Variants in IARS2 observed in about 807,000 individuals in gnomAD.
IARS2 encodes the protein isoleucine--tRNA ligase, mitochondrial.
A neutral mutation model predicts 126.3 loss-of-function variants in IARS2; 56 were observed. The ratio of observed to expected loss-of-function variants is 0.44; its 90% confidence interval spans 0.36 to 0.55. The LOEUF is 0.55. Ranked by LOEUF, IARS2 falls within the 20% of genes least tolerant of loss-of-function variation. The pLI is 0.00. For missense variants in IARS2, 1,127 were observed against 1,245.9 expected, an observed-to-expected ratio of 0.90 and a Z score of 1.44; for synonymous variants, 407 against 441.1, an observed-to-expected ratio of 0.92 and a Z score of 0.97.
intron 22 of IARS2, among the ~76,000 whole-genome samples, chr1:220,146,466 TGAG>T (rs965716281): frequency 1.5e-4 from 19 of 129,496 alleles, no homozygotes; most frequent in African/African-American, 5.7e-4. Flanking sequence ...TGCAGTGAGC[TGAG>T]ATCACACCAC....
intron 2 of IARS2, among the ~76,000 whole-genome samples, chr1:220,097,215 T>C (rs1656463053): frequency 1.3e-5 from 2 of 151,914 alleles, no homozygotes; most frequent in Non-Finnish European, 2.9e-5. Flanking sequence ...CCTGCATAGC[T>C]GGATCAGGAA....
intron 3 of IARS2, 63 bp downstream of exon 3, chr1:220,100,712 C>G: frequency 7.7e-7 from 1 of 1,299,464 alleles, no homozygotes; most frequent in Admixed American, 2.4e-5. Flanking sequence ...TTGAAATAGT[C>G]AGAACTTTAC....
At chr1:220,120,566 G>A (rs1172430485) in intron 12 of IARS2, among the ~76,000 whole-genome samples, 2 of 151,988 alleles carry the variant, frequency 1.3e-5, no homozygotes, top group East Asian at 1.9e-4. Context: ...TGTAGAGACC[G>A]GGTTTTGCCA....
At chr1:220,121,277 CTT>C (rs1467472134) in intron 12 of IARS2, among the ~76,000 whole-genome samples, 1 of 152,078 alleles carries the variant, frequency 6.6e-6, no homozygotes, top group Non-Finnish European at 1.5e-5. Flanking sequence ...CACTAAGAGA[CTT>C]TTGTCAGTTT....
chr1:220,120,869 C>T (rs1026807992), intron 12 of IARS2, among the ~76,000 whole-genome samples: 1 of 151,846 alleles, frequency 6.6e-6, no homozygotes, highest in African/African-American at 2.4e-5. Flanking sequence ...ATAATAGAAC[C>T]GAATTATAGA....
At chr1:220,128,684 A>G (rs754699615) in intron 14 of IARS2, among the ~76,000 whole-genome samples, 1 of 152,204 alleles carries the variant, frequency 6.6e-6, no homozygotes, top group African/African-American at 2.4e-5. Context: ...GAGTATGCCA[A>G]TTGTGAAACA....
chr1:220,097,353 C>A (rs1265093865), intron 2 of IARS2, among the ~76,000 whole-genome samples: 1 of 148,360 alleles, frequency 6.7e-6, no homozygotes, highest in Admixed American at 6.8e-5. Flanking sequence ...TCTTTCCCAA[C>A]AGTTCTTTTT....
At chr1:220,134,135 T>C (rs1054694289) in intron 14 of IARS2, among the ~76,000 whole-genome samples, 2 of 152,178 alleles carry the variant, frequency 1.3e-5, no homozygotes, top group Non-Finnish European at 2.9e-5. Flanking sequence ...ATCCACGTTA[T>C]GCATTTTAGG....
intron 21 of IARS2, among the ~76,000 whole-genome samples, chr1:220,145,236 G>A (rs1418637847): frequency 1.3e-5 from 2 of 152,044 alleles, no homozygotes; most frequent in African/African-American, 4.8e-5. Flanking sequence ...GGTTTTTTTT[G>A]TGTGTATGTA....
At chr1:220,141,755 A>G (rs935091321) in intron 19 of IARS2, 48 bp from the exon 20 acceptor site, 1 of 1,597,540 alleles carries the variant, frequency 6.3e-7, no homozygotes, top group African/African-American at 1.3e-5. Context: ...CTAGGTGACC[A>G]TAATGTATAA....
At chr1:220,109,892 A>G (rs975821529) in intron 10 of IARS2, among the ~76,000 whole-genome samples, 8 of 152,206 alleles carry the variant, frequency 5.3e-5, no homozygotes, top group African/African-American at 1.9e-4. Flanking sequence ...TCTAAACTTC[A>G]AATGTAGAAT....
Position 220,147,756 on chromosome 1 carries a change from G to T in IARS2, c.*121G>T. On this transcript the variant is annotated 3_prime_UTR_variant, in exon 23 of 23. Coordinates refer to ENST00000366922, the MANE Select transcript of IARS2 (RefSeq NM_018060.4). ...GTAATGAGTGGATGAGTAAATGGTG[G>T]AGGATGGGAGTCAAAATCAGAATTA... The T allele has an allele frequency of 1.1e-6, 1 of 903,562 alleles. No homozygotes were observed. The highest frequency in any genetic ancestry group is 2.5e-5 in the East Asian group (1 of 40,280). 56.0% of individuals were successfully genotyped at this position (903,562 alleles called of 1,614,324 possible). A position where few individuals can be genotyped will look rare whatever the true frequency, so the allele number is the denominator to read the frequency against.
chr1:220,107,548 A>G (rs1656705856), intron 10 of IARS2, among the ~76,000 whole-genome samples: 1 of 152,174 alleles, frequency 6.6e-6, no homozygotes, highest in Admixed American at 6.5e-5. Flanking sequence ...TCCAGCCTTG[A>G]ATTGTCTTTC....
intron 14 of IARS2, among the ~76,000 whole-genome samples, chr1:220,129,823 C>T (rs1657223361): frequency 6.6e-6 from 1 of 152,152 alleles, no homozygotes. Context: ...CATGGAGATG[C>T]AGGTATCCTG....
intron 12 of IARS2, among the ~76,000 whole-genome samples, chr1:220,117,415 G>T (rs915333217): frequency 2.0e-5 from 3 of 151,546 alleles, no homozygotes; most frequent in Admixed American, 6.6e-5. Flanking sequence ...GGTCAGGCTG[G>T]TCTCAAACTC....
At chr1:220,138,502 T>A (rs1385675657) in intron 17 of IARS2, among the ~76,000 whole-genome samples, 1 of 151,990 alleles carries the variant, frequency 6.6e-6, no homozygotes, top group Non-Finnish European at 1.5e-5. Flanking sequence ...GTAAATTTAT[T>A]TGTTTCAAAA....
chr1:220,097,646 A>G (rs1415935444), intron 2 of IARS2, among the ~76,000 whole-genome samples: 2 of 152,020 alleles, frequency 1.3e-5, no homozygotes, highest in Non-Finnish European at 2.9e-5. Context: ...TACAGGCGTG[A>G]GCCACCACGT....
chr1:220,105,637 C>T (rs1656663470), intron 8 of IARS2, among the ~76,000 whole-genome samples: 1 of 152,142 alleles, frequency 6.6e-6, no homozygotes, highest in South Asian at 2.1e-4. Context: ...GTGGTAGATG[C>T]AGTAAGTATC....
intron 19 of IARS2, 84 bp from the exon 20 acceptor site, chr1:220,141,719 T>G (rs1657495678): frequency 7.4e-7 from 1 of 1,359,878 alleles, no homozygotes; most frequent in Non-Finnish European, 1.0e-6. Context: ...CCACTAGGAA[T>G]AAACTCAACC....
Sources: gnomAD v4.1 joint callset for allele counts (sites outside exome capture counted in the v4.1 genomes callset) on GRCh38, gnomAD v4.1.1 for gene constraint, MANE v1.5 for transcripts, NCBI Gene and HGNC (gene_info 2026-07-23, HGNC 2026-07-21) for gene names.